Variants in ZBTB20 observed in about 807,000 individuals in gnomAD.
The protein encoded by ZBTB20 is zinc finger and BTB domain-containing protein 20.
A neutral mutation model predicts 56.9 loss-of-function variants in ZBTB20; 9 were observed. That is an observed-to-expected ratio of 0.16 (90% confidence interval 0.10 to 0.28). ZBTB20 has a LOEUF of 0.28. Ranked by LOEUF, ZBTB20 falls within the 10% of genes least tolerant of loss-of-function variation. The probability of loss-of-function intolerance (pLI) is 1.00; values close to 1 mark genes in which losing one functional copy is unlikely to be tolerated. For missense variants in ZBTB20, 655 were observed against 1,003.0 expected (o/e 0.65, Z 4.69); for synonymous variants, 417 against 420.7 (o/e 0.99, Z 0.11).
Position 114,389,946 on chromosome 3 carries a change from G to A in ZBTB20, c.-254-841C>T, listed in dbSNP as rs1272538029. On this transcript the variant is annotated intron_variant, in intron 7 of 11. Coordinates refer to ENST00000675478, the MANE Select transcript of ZBTB20 (RefSeq NM_001348800.3). ...TGTATTTATCACTTTTTCATGGTGA[G>A]AACACGTAAAACCTACTCTCAGTAA... Among the ~76,000 whole-genome samples, 3 of 147,852 alleles carry A rather than the reference G, an allele frequency of 2.0e-5. No homozygotes were observed. In the East Asian group the frequency reaches 6.0e-4, roughly 29 times the overall value.
intron 6 of ZBTB20, among the ~76,000 whole-genome samples, chr3:114,628,350 T>G (rs2058754749): frequency 6.6e-6 from 1 of 152,156 alleles, no homozygotes; most frequent in Non-Finnish European, 1.5e-5. Flanking sequence ...TGTAGAATAT[T>G]TAGTGTAGCA....
At position 114,879,087 on chromosome 3, in the gene ZBTB20, T is replaced by A. The variant is rs142371347; in HGVS notation, c.-417+21217A>T. On this transcript the variant is annotated intron_variant, in intron 4 of 11. Transcript: ENST00000675478. Reference sequence around the variant, plus strand: ...TATTTAACATTATTAATTTGGCCTGTTTTCTGCATCTGATAATGCAAATTT... The same window carrying A: ...TATTTAACATTATTAATTTGGCCTGATTTCTGCATCTGATAATGCAAATTT... 5.0e-4 allele frequency among the ~76,000 whole-genome samples: 76 copies of A among 152,314 alleles called. No individual in the cohort carries two copies. The East Asian group carries it at 0.013, about 27-fold the overall frequency.
Position 114,336,475 on chromosome 3 carries a change from C to T in ZBTB20, c.*2530G>A, listed in dbSNP as rs2079456727. On this transcript the variant is annotated 3_prime_UTR_variant, in exon 12 of 12. Coordinates refer to ENST00000675478, the MANE Select transcript of ZBTB20 (RefSeq NM_001348800.3). Reference sequence around the variant, plus strand: ...TTGGCAGGACTCCTCTTAGAAATCACAATAGGTTACACTTAATAGTCAGTT... The same window carrying T: ...TTGGCAGGACTCCTCTTAGAAATCATAATAGGTTACACTTAATAGTCAGTT... 1 of 152,112 alleles carries T rather than the reference C, an allele frequency of 6.6e-6. No homozygotes were observed. The highest frequency in any genetic ancestry group is 2.4e-5 in the African/African-American group (1 of 41,408). 9.4% of individuals were successfully genotyped at this position (152,112 alleles called of 1,614,324 possible).
intron 6 of ZBTB20, chr3:114,518,494 T>C (rs896112863): frequency 6.6e-6 from 1 of 152,188 alleles, no homozygotes; most frequent in Admixed American, 6.5e-5. Context: ...TGAACTTGTG[T>C]TTTTCTTTTC....
intron 4 of ZBTB20, among the ~76,000 whole-genome samples, chr3:114,831,519 C>G (rs868750425): frequency 6.6e-6 from 1 of 152,112 alleles, no homozygotes; most frequent in East Asian, 1.9e-4. Flanking sequence ...TAACTCTTCA[C>G]GTCAGGCAAC....
At chr3:114,773,608 G>T (rs1418160535) in intron 5 of ZBTB20, among the ~76,000 whole-genome samples, 2 of 152,178 alleles carry the variant, frequency 1.3e-5, no homozygotes, top group African/African-American at 4.8e-5. Context: ...TTCCTCACAG[G>T]CAAGAATACT....
At chr3:114,773,489 T>C (rs1479714876) in intron 5 of ZBTB20, among the ~76,000 whole-genome samples, 2 of 152,188 alleles carry the variant, frequency 1.3e-5, no homozygotes, top group East Asian at 3.9e-4. Flanking sequence ...CTTTTAGTCA[T>C]ATCCTCAGAG....
intron 5 of ZBTB20, chr3:114,743,466 C>T (rs1045223845): frequency 6.5e-6 from 1 of 153,852 alleles, no homozygotes; most frequent in East Asian, 2.0e-4. Context: ...CTATACTCTG[C>T]CACTTTACTG....
chr3:114,989,448 T>C (rs1173380197), intron 2 of ZBTB20, among the ~76,000 whole-genome samples: 1 of 152,172 alleles, frequency 6.6e-6, no homozygotes, highest in African/African-American at 2.4e-5. Flanking sequence ...TCTGTTCTGT[T>C]CCATTGCTCT....
intron 11 of ZBTB20, among the ~76,000 whole-genome samples, chr3:114,348,081 C>CT (rs1232386651): frequency 2.0e-5 from 3 of 152,128 alleles, no homozygotes; most frequent in African/African-American, 7.2e-5. Flanking sequence ...CACGAAGATA[C>CT]TTTTTGGTAG....
chr3:114,873,057 T>C (rs1013110641), intron 4 of ZBTB20: 1 of 152,154 alleles, frequency 6.6e-6, no homozygotes, highest in Admixed American at 6.6e-5. Context: ...TAATTGAAGA[T>C]ACTGAGGCCC....
At chr3:115,139,940 G>A (rs912973527) in intron 1 of ZBTB20, among the ~76,000 whole-genome samples, 9 of 151,990 alleles carry the variant, frequency 5.9e-5, no homozygotes, top group African/African-American at 2.2e-4. Context: ...AGTGTGCTAT[G>A]TTAGAAAGCA....
intron 11 of ZBTB20, among the ~76,000 whole-genome samples, chr3:114,343,288 CAGCAAGA>C (rs975872711): frequency 6.6e-6 from 1 of 152,168 alleles, no homozygotes; most frequent in African/African-American, 2.4e-5. Context: ...ACTGGGGGCT[CAGCAAGA>C]ACCCACTTAT....
chr3:114,389,288 C>A (rs1275674984), intron 7 of ZBTB20, among the ~76,000 whole-genome samples, 183 bp from the exon 8 acceptor site: 1 of 152,058 alleles, frequency 6.6e-6, no homozygotes, highest in African/African-American at 2.4e-5. Context: ...TGTCCAGGCT[C>A]CATTTTCAGT....
chr3:115,115,875 G>T (rs2084003969), intron 1 of ZBTB20, among the ~76,000 whole-genome samples: 1 of 151,918 alleles, frequency 6.6e-6, no homozygotes, highest in African/African-American at 2.4e-5. Context: ...CATACACTGA[G>T]GGTGACATTC....
In ZBTB20 at chr3:114,319,147, A is replaced by T. The variant is rs1260164226; in HGVS notation, c.*19858T>A. 6.6e-6 allele frequency: 1 copy of T among 151,646 alleles called. No individual in the cohort carries two copies. The highest frequency in any genetic ancestry group is 2.4e-5 in the African/African-American group (1 of 41,310). 9.4% of individuals were successfully genotyped at this position (151,646 alleles called of 1,614,324 possible). A position where few individuals can be genotyped will look rare whatever the true frequency, so the allele number is the denominator to read the frequency against. ...ATCCTTAAGGGCAAACTTTTCGATTAGTTTTTTTCTTTTTTTTTTTTTAAA... is the reference window on the plus strand; with the variant it reads ...ATCCTTAAGGGCAAACTTTTCGATTTGTTTTTTTCTTTTTTTTTTTTTAAA... On this transcript the variant is annotated 3_prime_UTR_variant, in exon 12 of 12. Transcript: ENST00000675478.
At chr3:114,659,744 AAAC>A (rs2060615373) in intron 6 of ZBTB20, among the ~76,000 whole-genome samples, 1 of 152,178 alleles carries the variant, frequency 6.6e-6, no homozygotes, top group South Asian at 2.1e-4. Flanking sequence ...TCAGTGATTT[AAAC>A]AACAAGCCTT....
intron 3 of ZBTB20, among the ~76,000 whole-genome samples, chr3:114,916,875 A>C (rs1373271948): frequency 1.3e-5 from 2 of 152,132 alleles, no homozygotes; most frequent in African/African-American, 2.4e-5. Context: ...AGTCTTCTTT[A>C]GGTTAAATCT....
chr3:114,892,846 T>C (rs529040385), intron 4 of ZBTB20, among the ~76,000 whole-genome samples: 1 of 152,188 alleles, frequency 6.6e-6, no homozygotes, highest in African/African-American at 2.4e-5. Context: ...AATTTCCAGG[T>C]TGTGATATAA....
Sources: allele counts gnomAD v4.1 joint callset (sites outside exome capture counted in the v4.1 genomes callset), GRCh38; gene constraint gnomAD v4.1.1; transcripts MANE v1.5; gene names NCBI Gene and HGNC (gene_info 2026-07-23, HGNC 2026-07-21).